The following MID2 variants were observed in gnomAD, a reference collection of about 807,000 sequenced individuals.
MID2 encodes probable E3 ubiquitin-protein ligase MID2.
Under a neutral mutation model 46.1 loss-of-function variants are expected in MID2, and 13 were observed. The observed-to-expected ratio is 0.28, with a 90% confidence interval of 0.18 to 0.45. The LOEUF (loss-of-function observed/expected upper bound fraction) is 0.45, where lower values mean the gene tolerates loss of function less well. Ranked by LOEUF, MID2 falls within the 20% of genes least tolerant of loss-of-function variation. The pLI is 1.00. For synonymous variants in MID2, 199 were observed against 212.3 expected (o/e 0.94, Z 0.55); for missense variants, 431 against 575.4 (o/e 0.75, Z 2.57).
intron 6 of MID2, among the ~76,000 whole-genome samples, chrX:107,916,869 A>G (rs113097340): frequency 0.019 from 2,131 of 112,852 alleles, 51 homozygotes; most frequent in African/African-American, 0.064. Context: ...GGCTGGGCAC[A>G]GTGGCTCACG....
chrX:107,894,299 A>C (rs755085120), intron 3 of MID2, among the ~76,000 whole-genome samples: 2 of 110,967 alleles, frequency 1.8e-5, no homozygotes, highest in East Asian at 5.6e-4. Flanking sequence ...TGTAAGTACA[A>C]TCTTTTATGC....
At position 107,927,868 on chromosome X, in the gene MID2, G is replaced by A. The variant is rs949050897; in HGVS notation, c.*795G>A. Among the ~76,000 whole-genome samples, 7 of 110,828 alleles carry A rather than the reference G, an allele frequency of 6.3e-5. No individual in the cohort carries two copies. The highest frequency in any genetic ancestry group is 1.6e-4 in the African/African-American group (5 of 30,509). On this transcript the variant is annotated 3_prime_UTR_variant, in exon 10 of 10. Coordinates refer to ENST00000262843, the MANE Select transcript of MID2 (RefSeq NM_012216.4). ...TCATTGCCTTCCTCCCTCCTGTCAC[G>A]CACACATACACATGCAACCATGACA...
chrX:107,917,225 A>G lies in MID2; in HGVS notation c.1202-281A>G, dbSNP rs139446213. Among the ~76,000 whole-genome samples the G allele has an allele frequency of 6.8e-3, 759 of 111,996 alleles. 4 individuals are homozygous for G. The highest frequency in any genetic ancestry group is 0.012 in the Non-Finnish European group (616 of 53,204). ...AAACCATATAATCACTTTAATGTCT[A>G]CATAAGTGTTTATGCAGGCAGACTA... On this transcript the variant is annotated intron_variant, in intron 6 of 9. Coordinates refer to ENST00000262843, the MANE Select transcript of MID2 (RefSeq NM_012216.4).
intron 7 of MID2, among the ~76,000 whole-genome samples, chrX:107,920,338 A>G (rs1204926189): frequency 2.7e-5 from 3 of 112,230 alleles, no homozygotes; most frequent in Non-Finnish European, 5.6e-5. Context: ...TAAGATTTGA[A>G]ATGATCACAA....
At chrX:107,891,533 C>A (rs1332013821) in intron 3 of MID2, among the ~76,000 whole-genome samples, 1 of 111,621 alleles carries the variant, frequency 9.0e-6, no homozygotes, top group Non-Finnish European at 1.9e-5. Context: ...CCCGCCTTAG[C>A]CTCCCAAAGT....
At chrX:107,903,780 T>C (rs993747095) in intron 3 of MID2, among the ~76,000 whole-genome samples, 178 bp from the exon 4 acceptor site, 1 of 111,557 alleles carries the variant, frequency 9.0e-6, no homozygotes, top group Non-Finnish European at 1.9e-5. Context: ...TTCCTAACTG[T>C]GGTGCTTCAA....
rs181420437 is a variant in MID2, at chrX:107,865,901, A to G, written c.816+11197A>G. Among the ~76,000 whole-genome samples the G allele has an allele frequency of 4.1e-3, 460 of 112,965 alleles. 1 individual carries two copies. Among genetic ancestry groups the G allele is most frequent in the African/African-American group, 0.014 (439 of 31,087 alleles). On this transcript the variant is annotated intron_variant, in intron 3 of 9. Coordinates refer to ENST00000262843, the MANE Select transcript of MID2 (RefSeq NM_012216.4). ...TATATGGGTAGTTTTGCACTGGCAT[A>G]GAATGGCAGGTTTACGAATGTCCAA...
At chrX:107,859,511 G>A (rs1931812561) in intron 3 of MID2, among the ~76,000 whole-genome samples, 1 of 112,269 alleles carries the variant, frequency 8.9e-6, no homozygotes, top group South Asian at 3.7e-4. Context: ...GGTGCCTTAA[G>A]CACTGGGTGT....
intron 3 of MID2, among the ~76,000 whole-genome samples, chrX:107,889,327 A>G (rs1186984788): frequency 1.8e-5 from 2 of 111,655 alleles, no homozygotes; most frequent in Non-Finnish European, 3.8e-5. Flanking sequence ...TGGTGACACA[A>G]TCTCTCAGCA....
At chrX:107,883,622 A>G (rs1932380747) in intron 3 of MID2, among the ~76,000 whole-genome samples, 1 of 112,342 alleles carries the variant, frequency 8.9e-6, no homozygotes, top group Admixed American at 9.4e-5. Context: ...GCTTATTTTT[A>G]TACCAAATCC....
At chrX:107,883,022 T>TA (rs761690832) in intron 3 of MID2, among the ~76,000 whole-genome samples, 1 of 111,586 alleles carries the variant, frequency 9.0e-6, no homozygotes, top group Non-Finnish European at 1.9e-5. Context: ...TATGCAGCCA[T>TA]AAAAAAGTAT....
At chrX:107,877,405 A>T (rs971224546) in intron 3 of MID2, among the ~76,000 whole-genome samples, 28 of 112,060 alleles carry the variant, frequency 2.5e-4, no homozygotes, top group African/African-American at 9.1e-4. Flanking sequence ...GGTGGTGAAG[A>T]TAGCTGGTTA....
Position 107,904,005 on chromosome X carries a change from G to A in MID2, c.864G>A (p.Glu288=), listed in dbSNP as rs770081764. The part of the protein sequence containing the change: ...HEAKLMEECD[E]LVEIIQQRKQ... ...CAAAACTTATGGAAGAATGTGACGA[G>A]TTGGTAGAGATCATCCAGCAGAGGA... Residue 288 remains glutamate (E), a synonymous_variant, in exon 4 of 10, where the codon GAG becomes GAA. Coordinates refer to ENST00000262843, the MANE Select transcript of MID2 (RefSeq NM_012216.4). 3.6e-5 allele frequency: 43 copies of A among 1,208,882 alleles called. 1 individual carries two copies. In the South Asian group the frequency reaches 6.7e-4, roughly 19 times the overall value.
intron 5 of MID2, among the ~76,000 whole-genome samples, chrX:107,912,553 GTTGT>G: frequency 9.0e-6 from 1 of 111,421 alleles, no homozygotes; most frequent in South Asian, 3.8e-4. Flanking sequence ...TTCCTACTTT[GTTGT>G]TTTTGTTTTG....
chrX:107,861,706 A>G (rs1569464471), intron 3 of MID2, among the ~76,000 whole-genome samples: 1 of 112,481 alleles, frequency 8.9e-6, no homozygotes, highest in East Asian at 2.8e-4. Context: ...GGTGGTAGTT[A>G]TTATCCTTTC....
chrX:107,885,528 A>G (rs774487680), intron 3 of MID2, among the ~76,000 whole-genome samples: 1 of 111,273 alleles, frequency 9.0e-6, no homozygotes, highest in South Asian at 3.8e-4. Context: ...TTATTGTTGG[A>G]CATTTGGGTT....
intron 3 of MID2, among the ~76,000 whole-genome samples, chrX:107,889,301 T>C (rs1346991665): frequency 8.9e-6 from 1 of 111,865 alleles, no homozygotes; most frequent in Non-Finnish European, 1.9e-5. Flanking sequence ...CAGGAGCTCT[T>C]TTAGGGCAGG....
intron 3 of MID2, among the ~76,000 whole-genome samples, chrX:107,860,399 G>A (rs2147837169): frequency 8.9e-6 from 1 of 112,074 alleles, no homozygotes; most frequent in African/African-American, 3.2e-5. Flanking sequence ...GGTAGGAAAT[G>A]TCCAGTAGAA....
At chrX:107,922,579 T>A (rs1198084628) in intron 7 of MID2, among the ~76,000 whole-genome samples, 3 of 112,085 alleles carry the variant, frequency 2.7e-5, no homozygotes, top group Non-Finnish European at 5.6e-5. Context: ...CTCCACCCCC[T>A]ACCCCTTGTG....
Sources: gnomAD v4.1 joint callset for allele counts (sites outside exome capture counted in the v4.1 genomes callset) on GRCh38, gnomAD v4.1.1 for gene constraint, MANE v1.5 for transcripts, NCBI Gene and HGNC (gene_info 2026-07-23, HGNC 2026-07-21) for gene names.